RORA: variants seen among roughly 807,000 people sequenced by gnomAD.
RORA encodes the protein nuclear receptor ROR-alpha.
RORA carries 7 observed loss-of-function variants against 69.5 expected under a neutral mutation model. The ratio of observed to expected loss-of-function variants is 0.10; its 90% confidence interval spans 0.06 to 0.19. The LOEUF (loss-of-function observed/expected upper bound fraction) is 0.19, where lower values mean the gene tolerates loss of function less well. Ranked by LOEUF, RORA falls within the 10% of genes least tolerant of loss-of-function variation. The pLI is 1.00. For missense variants in RORA, 457 were observed against 663.0 expected (o/e 0.69, Z 3.41); for synonymous variants, 261 against 240.8 (o/e 1.08, Z -0.78).
At chr15:60,553,423 T>C (rs2140397676) in intron 2 of RORA, among the ~76,000 whole-genome samples, 1 of 152,306 alleles carries the variant, frequency 6.6e-6, no homozygotes, top group Admixed American at 6.5e-5. Flanking sequence ...AAGCCTCTTG[T>C]AGTAGTATCA....
rs115910708 is a variant in RORA at position 61,146,563 on chromosome 15, T to C, written c.166+82490A>G. 3.2e-3 allele frequency among the ~76,000 whole-genome samples: 486 copies of C among 152,322 alleles called. 3 individuals are homozygous for C. The highest frequency in any genetic ancestry group is 0.011 in the African/African-American group (457 of 41,566). On this transcript the variant is annotated intron_variant, in intron 1 of 10. Coordinates refer to ENST00000335670, the MANE Select transcript of RORA (RefSeq NM_134261.3). ...GTTAAAGACTAATTTCTTATGCTTT[T>C]TGTGCATTTACATAATTGATTCACT...
At chr15:60,536,061 G>A (rs1351021063) in intron 2 of RORA, among the ~76,000 whole-genome samples, 1 of 152,070 alleles carries the variant, frequency 6.6e-6, no homozygotes, top group Non-Finnish European at 1.5e-5. Flanking sequence ...AACCTTCTAG[G>A]CCACTGATCT....
chr15:60,595,917 A>G (rs1449687796), intron 2 of RORA, among the ~76,000 whole-genome samples: 2 of 152,174 alleles, frequency 1.3e-5, no homozygotes, highest in Non-Finnish European at 2.9e-5. Context: ...TGGGTTCCAC[A>G]CTGAGTCTGC....
chr15:60,541,808 C>T (rs970022967), intron 2 of RORA, among the ~76,000 whole-genome samples: 1 of 152,186 alleles, frequency 6.6e-6, no homozygotes, highest in African/African-American at 2.4e-5. Context: ...CTTGAAGCCA[C>T]TTATTTTTAT....
chr15:60,826,142 T>G (rs745623700), intron 1 of RORA, among the ~76,000 whole-genome samples: 1 of 152,198 alleles, frequency 6.6e-6, no homozygotes, highest in Non-Finnish European at 1.5e-5. Context: ...TGGATCCCAG[T>G]CTACCCAACA....
At chr15:60,902,258 T>C (rs937229748) in intron 1 of RORA, among the ~76,000 whole-genome samples, 6 of 151,284 alleles carry the variant, frequency 4.0e-5, no homozygotes, top group Non-Finnish European at 5.9e-5. Context: ...TTCAAATCTA[T>C]GTTGAACTAT....
chr15:61,175,691 C>T lies in RORA; in HGVS notation c.166+53362G>A, dbSNP rs372937969. Among the ~76,000 whole-genome samples the T allele has an allele frequency of 9.2e-5, 14 of 151,946 alleles. No individual in the cohort carries two copies. In the East Asian group the frequency reaches 1.4e-3, roughly 15 times the overall value. ...ATAATTGTGTCACTGCACTCCAACC[C>T]GGGACACAGAGCAAAACCCAGTCTC... On this transcript the variant is annotated intron_variant, in intron 1 of 10. Coordinates refer to ENST00000335670, the MANE Select transcript of RORA (RefSeq NM_134261.3).
intron 1 of RORA, among the ~76,000 whole-genome samples, chr15:60,772,983 A>G (rs1445968678): frequency 6.6e-6 from 1 of 152,212 alleles, no homozygotes; most frequent in Non-Finnish European, 1.5e-5. Context: ...GGGCTGCTTT[A>G]TTACCATGGG....
At chr15:60,750,886 G>T (rs750244367) in intron 1 of RORA, among the ~76,000 whole-genome samples, 1 of 152,168 alleles carries the variant, frequency 6.6e-6, no homozygotes, top group South Asian at 2.1e-4. Context: ...GTCATCTGAG[G>T]GGCGAAGGGC....
At chr15:61,211,075 A>G (rs1236802602) in intron 1 of RORA, among the ~76,000 whole-genome samples, 3 of 152,174 alleles carry the variant, frequency 2.0e-5, no homozygotes, top group Non-Finnish European at 2.9e-5. Context: ...GCCTGGGTTT[A>G]GAATGATTTC....
rs184247117 is a variant in RORA at position 61,137,043 on chromosome 15, G to A, written c.166+92010C>T. On this transcript the variant is annotated intron_variant, in intron 1 of 10. Coordinates refer to ENST00000335670, the MANE Select transcript of RORA (RefSeq NM_134261.3). The stretch of plus-strand genomic sequence containing the variant: ...AAAAAGAAAGAAAGAAAGAAAGAAA[G>A]AAAGAAAGAAAGAAAGAAAGAAAGA... Among the ~76,000 whole-genome samples, 351 of 137,488 alleles carry A rather than the reference G, an allele frequency of 2.6e-3. 5 individuals are homozygous for A. The highest frequency in any genetic ancestry group is 9.4e-3 in the African/African-American group (322 of 34,108). The allele number at this position is 137,488 out of a possible 152,430, so 90.2% of individuals were successfully genotyped here.
chr15:61,169,184 T>G (rs2079564032), intron 1 of RORA, among the ~76,000 whole-genome samples: 1 of 151,978 alleles, frequency 6.6e-6, no homozygotes, highest in African/African-American at 2.4e-5. Flanking sequence ...GCCAGGCATC[T>G]GTGGAACTGA....
At chr15:60,733,934 GA>G (rs1273463455) in intron 1 of RORA, among the ~76,000 whole-genome samples, 4 of 151,120 alleles carry the variant, frequency 2.6e-5, no homozygotes, top group African/African-American at 2.4e-5. Context: ...GAGAGAGAGA[GA>G]GAGAGAGAGA....
chr15:60,959,594 G>A (rs1394185737), intron 1 of RORA, among the ~76,000 whole-genome samples: 1 of 152,066 alleles, frequency 6.6e-6, no homozygotes, highest in Non-Finnish European at 1.5e-5. Context: ...TCCTTTCTTG[G>A]AGAGTCACCG....
intron 1 of RORA, among the ~76,000 whole-genome samples, chr15:60,730,127 A>C (rs113811065): frequency 5.8e-4 from 88 of 152,330 alleles, no homozygotes; most frequent in African/African-American, 2.0e-3. Flanking sequence ...AATAGTCCAC[A>C]GTTCTAAATG....
intron 1 of RORA, among the ~76,000 whole-genome samples, chr15:61,212,972 T>G (rs1416838571): frequency 6.6e-6 from 1 of 152,134 alleles, no homozygotes; most frequent in African/African-American, 2.4e-5. Flanking sequence ...ATACTTGCTA[T>G]TGCTATTTTT....
At chr15:60,943,215 C>T (rs970840912) in intron 1 of RORA, among the ~76,000 whole-genome samples, 3 of 152,128 alleles carry the variant, frequency 2.0e-5, no homozygotes, top group African/African-American at 7.2e-5. Flanking sequence ...GGGGCAAAAA[C>T]CAGGGTGCTG....
At chr15:60,563,478 T>G (rs2067634528) in intron 2 of RORA, among the ~76,000 whole-genome samples, 1 of 152,248 alleles carries the variant, frequency 6.6e-6, no homozygotes, top group Non-Finnish European at 1.5e-5. Context: ...ATTTTACCCC[T>G]TATGTATATT....
chr15:60,627,307 C>A, intron 2 of RORA: 1 of 1,614,180 alleles, frequency 6.2e-7, no homozygotes, highest in South Asian at 1.1e-5. Context: ...AAGACAATGA[C>A]CCATGATTGA....
Sources: gnomAD v4.1 joint callset for allele counts (sites outside exome capture counted in the v4.1 genomes callset) on GRCh38, gnomAD v4.1.1 for gene constraint, MANE v1.5 for transcripts, NCBI Gene and HGNC (gene_info 2026-07-23, HGNC 2026-07-21) for gene names.